KCNIP4: variants seen among roughly 807,000 people sequenced by gnomAD.
KCNIP4 encodes Kv channel-interacting protein 4.
A neutral mutation model predicts 34.0 loss-of-function variants in KCNIP4; 12 were observed. That is an observed-to-expected ratio of 0.35 (90% confidence interval 0.23 to 0.57). The LOEUF is 0.57. Among genes scored for constraint, KCNIP4 ranks in the 20% least tolerant of loss-of-function variants. The pLI is 0.83. For synonymous variants in KCNIP4, 124 were observed against 102.2 expected (o/e 1.21, Z -1.29); for missense variants, 238 against 311.7 (o/e 0.76, Z 1.78).
chr4:21,137,551 A>G (rs549347262), intron 1 of KCNIP4, among the ~76,000 whole-genome samples: 1 of 152,322 alleles, frequency 6.6e-6, no homozygotes, highest in South Asian at 2.1e-4. Flanking sequence ...TTAGCATCTT[A>G]TCATCTAGTC....
intron 2 of KCNIP4, among the ~76,000 whole-genome samples, chr4:20,854,274 C>A (rs187857233): frequency 4.1e-4 from 63 of 152,128 alleles, no homozygotes; most frequent in African/African-American, 1.4e-3. Context: ...GATAAAGAGA[C>A]TGTGATATAT....
At position 21,363,743 on chromosome 4, in the gene KCNIP4, C is replaced by G. The variant is rs562735626; in HGVS notation, c.62-481034G>C. Among the ~76,000 whole-genome samples the G allele has an allele frequency of 1.3e-4, 20 of 152,238 alleles. No individual in the cohort carries two copies. In the South Asian group the frequency reaches 3.3e-3, roughly 25 times the overall value. On this transcript the variant is annotated intron_variant, in intron 1 of 8. Transcript: ENST00000382152. ...TCAAAGAGAATCCAAAGCTTGATAT[C>G]ATTCCTGCCCTCATTTTAGTGTTGA...
chr4:21,317,874 G>C (rs893966346), intron 1 of KCNIP4, among the ~76,000 whole-genome samples: 1 of 152,194 alleles, frequency 6.6e-6, no homozygotes, highest in African/African-American at 2.4e-5. Flanking sequence ...CTTGTCTGCT[G>C]CCATGTGAGG....
chr4:21,269,113 T>C (rs141065497), intron 1 of KCNIP4, among the ~76,000 whole-genome samples: 4 of 152,258 alleles, frequency 2.6e-5, no homozygotes, highest in Non-Finnish European at 2.9e-5. Context: ...GAGAGTGATA[T>C]AATCACAATT....
chr4:20,824,371 T>C (rs763732423), intron 3 of KCNIP4, among the ~76,000 whole-genome samples: 11 of 152,186 alleles, frequency 7.2e-5, no homozygotes, highest in Non-Finnish European at 1.2e-4. Context: ...ATGACAAATA[T>C]GTATAAAAAT....
chr4:21,369,092 C>T (rs1376684575), intron 1 of KCNIP4, among the ~76,000 whole-genome samples: 1 of 147,014 alleles, frequency 6.8e-6, no homozygotes, highest in African/African-American at 2.7e-5. Flanking sequence ...TTATCACTTA[C>T]TAGCTGAATG....
At chr4:21,662,101 A>T (rs1748497658) in intron 1 of KCNIP4, among the ~76,000 whole-genome samples, 1 of 152,126 alleles carries the variant, frequency 6.6e-6, no homozygotes, top group African/African-American at 2.4e-5. Context: ...ATTTGCTTGT[A>T]AGCAACCTCT....
chr4:21,648,116 G>A (rs907719956), intron 1 of KCNIP4, among the ~76,000 whole-genome samples: 8 of 151,728 alleles, frequency 5.3e-5, no homozygotes, highest in East Asian at 2.0e-4. Flanking sequence ...CTCGTGATCC[G>A]CCTGCCTCGG....
chr4:20,965,903 A>T (rs565125263), intron 1 of KCNIP4, among the ~76,000 whole-genome samples: 4 of 152,212 alleles, frequency 2.6e-5, no homozygotes, highest in African/African-American at 9.6e-5. Context: ...CTAAAATCTC[A>T]TCTGTGCAAA....
intron 1 of KCNIP4, among the ~76,000 whole-genome samples, chr4:21,827,324 T>C (rs1297657382): frequency 1.3e-5 from 2 of 152,018 alleles, no homozygotes; most frequent in African/African-American, 4.8e-5. Flanking sequence ...TAAAAATTCA[T>C]AAAACTGCAA....
At chr4:20,910,464 A>G (rs970963595) in intron 1 of KCNIP4, among the ~76,000 whole-genome samples, 1 of 152,140 alleles carries the variant, frequency 6.6e-6, no homozygotes, top group Non-Finnish European at 1.5e-5. Context: ...GCCTCCTTCA[A>G]CACCACTCCA....
chr4:20,803,470 CAAAAAAAAAAAA>C (rs551176038), intron 3 of KCNIP4, among the ~76,000 whole-genome samples: 5 of 85,890 alleles, frequency 5.8e-5, no homozygotes, highest in African/African-American at 2.1e-4. Context: ...TCATCTTTAC[CAAAAAAAAAAAA>C]AAAAAAAAAA....
At chr4:21,733,263 T>C (rs987188084) in intron 1 of KCNIP4, among the ~76,000 whole-genome samples, 8 of 152,208 alleles carry the variant, frequency 5.3e-5, no homozygotes, top group African/African-American at 1.9e-4. Flanking sequence ...TATCTCCTGA[T>C]TGGGACATGA....
intron 1 of KCNIP4, among the ~76,000 whole-genome samples, chr4:21,257,885 T>C (rs1364069466): frequency 1.3e-5 from 2 of 152,148 alleles, no homozygotes; most frequent in Admixed American, 1.3e-4. Context: ...CTGCCAGACA[T>C]AGCCATAAGA....
At chr4:21,313,696 T>TA (rs1325855432) in intron 1 of KCNIP4, among the ~76,000 whole-genome samples, 1 of 152,082 alleles carries the variant, frequency 6.6e-6, no homozygotes, top group African/African-American at 2.4e-5. Context: ...CTCAAAGAAT[T>TA]AAAGATTAGC....
At chr4:21,398,522 A>G (rs1000507077) in intron 1 of KCNIP4, among the ~76,000 whole-genome samples, 2 of 152,214 alleles carry the variant, frequency 1.3e-5, no homozygotes, top group African/African-American at 4.8e-5. Flanking sequence ...AGAAAAATCA[A>G]CTTGGTGTCA....
intron 3 of KCNIP4, among the ~76,000 whole-genome samples, chr4:20,824,912 T>A (rs1717548943): frequency 6.6e-6 from 1 of 152,194 alleles, no homozygotes; most frequent in Non-Finnish European, 1.5e-5. Context: ...TTAAGTATTA[T>A]CTTTTACCCT....
intron 1 of KCNIP4, among the ~76,000 whole-genome samples, chr4:21,176,217 C>T (rs1754399328): frequency 6.6e-6 from 1 of 152,114 alleles, no homozygotes; most frequent in Non-Finnish European, 1.5e-5. Context: ...AAGGCATTAT[C>T]CTGGAATCAC....
intron 1 of KCNIP4, among the ~76,000 whole-genome samples, chr4:21,049,560 C>G (rs905212716): frequency 2.6e-5 from 4 of 152,134 alleles, no homozygotes; most frequent in Admixed American, 6.5e-5. Flanking sequence ...ACAAGTGTTT[C>G]TATTCTGTGA....
Sources: allele counts gnomAD v4.1 joint callset (sites outside exome capture counted in the v4.1 genomes callset), GRCh38; gene constraint gnomAD v4.1.1; transcripts MANE v1.5; gene names NCBI Gene and HGNC (gene_info 2026-07-23, HGNC 2026-07-21).